The following MCM9 variants were observed in gnomAD, a reference collection of about 807,000 sequenced individuals.
The protein encoded by MCM9 is minichromosome maintenance 9 homologous recombination repair factor.
A neutral mutation model predicts 72.8 loss-of-function variants in MCM9; 55 were observed. The observed-to-expected ratio is 0.76, with a 90% CI of 0.61 to 0.95. The LOEUF is 0.95. Ranked by LOEUF, MCM9 falls within the 40% of genes least tolerant of loss-of-function variation. The pLI is 0.00. For synonymous variants in MCM9, 480 were observed against 503.4 expected, an observed-to-expected ratio of 0.95 and a Z score of 0.62; for missense variants, 1,279 against 1,377.0, an observed-to-expected ratio of 0.93 and a Z score of 1.13.
chr6:118,923,889 A>C lies in MCM9; in HGVS notation c.543T>G (p.Ser181=). 2 of 1,614,216 alleles carry C rather than the reference A, an allele frequency of 1.2e-6. No homozygotes were observed. Among genetic ancestry groups the C allele is most frequent in the Middle Eastern group, 1.6e-4 (1 of 6,062 alleles). The change falls in exon 4 of 14, where the codon TCT becomes TCG. Residue 181 remains serine (S), a synonymous_variant. Transcript: ENST00000619706. ...SCPSLESCDS[S]KFTCLSGLSS... Reference sequence around the variant, plus strand: ...ACAAGCCTGAGAGGCAAGTGAATTTAGAGGAATCACAGCTCTCCAAGCTGG... The same window carrying C: ...ACAAGCCTGAGAGGCAAGTGAATTTCGAGGAATCACAGCTCTCCAAGCTGG...
intron 8 of MCM9, among the ~76,000 whole-genome samples, chr6:118,874,499 T>C (rs1157149369): frequency 1.3e-5 from 2 of 152,152 alleles, no homozygotes; most frequent in Middle Eastern, 3.2e-3. Flanking sequence ...GGTAAGAAAC[T>C]TGAAGCTTTC....
chr6:118,826,906 G>T, intron 11 of MCM9, 42 bp from the exon 12 acceptor site: 1 of 1,470,782 alleles, frequency 6.8e-7, no homozygotes, highest in African/African-American at 1.4e-5. Flanking sequence ...AATATTTGAG[G>T]TGAGAAATGT....
intron 9 of MCM9, among the ~76,000 whole-genome samples, chr6:118,840,502 C>T (rs1260302745): frequency 6.6e-6 from 1 of 152,122 alleles, no homozygotes; most frequent in Non-Finnish European, 1.5e-5. Flanking sequence ...TTTGAGTGGT[C>T]TTCTCATCAA....
chr6:118,836,089 G>A (rs1774937379), intron 9 of MCM9, among the ~76,000 whole-genome samples: 1 of 152,150 alleles, frequency 6.6e-6, no homozygotes, highest in African/African-American at 2.4e-5. Flanking sequence ...GGCCTTTTCT[G>A]CATCTATTGG....
In MCM9 at chr6:118,814,668, T is replaced by A. The variant is rs1025949187; in HGVS notation, c.*156A>T. The A allele has an allele frequency of 3.1e-6, 2 of 654,520 alleles. No individual in the cohort carries two copies. Among genetic ancestry groups the A allele is most frequent in the African/African-American group, 3.7e-5 (2 of 54,710 alleles). The allele number at this position is 654,520 out of a possible 1,614,324, so 40.5% of individuals were successfully genotyped here. The stretch of plus-strand genomic sequence containing the variant: ...TATACAACTTTTTAAGTCATGAAGA[T>A]TAACCTGAAATTAGAAAGCCTTAAG... On this transcript the variant is annotated 3_prime_UTR_variant, in exon 14 of 14. Transcript: ENST00000619706.
chr6:118,926,681 T>C (rs918274565), intron 3 of MCM9, among the ~76,000 whole-genome samples: 1 of 152,268 alleles, frequency 6.6e-6, no homozygotes, highest in Non-Finnish European at 1.5e-5. Context: ...CATTTATTAG[T>C]TGATGGACAT....
chr6:118,894,476 G>C, intron 8 of MCM9: 1 of 1,537,162 alleles, frequency 6.5e-7, no homozygotes, highest in Non-Finnish European at 8.7e-7. Flanking sequence ...TCTACAACCC[G>C]TTCCAGTTCG....
chr6:118,843,658 G>GTATATATATATACGTGTA (rs74206505), intron 9 of MCM9, among the ~76,000 whole-genome samples: 2 of 21,590 alleles, frequency 9.3e-5, no homozygotes, highest in Non-Finnish European at 1.7e-4. Flanking sequence ...ATATATATGT[G>GTATATATATATACGTGTA]TATATATATA....
chr6:118,899,189 T>C (rs1454181033), intron 8 of MCM9, among the ~76,000 whole-genome samples: 3 of 152,232 alleles, frequency 2.0e-5, no homozygotes, highest in Non-Finnish European at 4.4e-5. Context: ...TTACACTCTA[T>C]ATTGAACACA....
At chr6:118,894,120 G>A in intron 8 of MCM9, 10 of 1,177,448 alleles carry the variant, frequency 8.5e-6, no homozygotes, top group Non-Finnish European at 1.1e-5. Context: ...CATCTTGCTG[G>A]CTGCCGAGGC....
At chr6:118,922,616 G>A (rs1781522625) in intron 4 of MCM9, among the ~76,000 whole-genome samples, 1 of 152,230 alleles carries the variant, frequency 6.6e-6, no homozygotes, top group African/African-American at 2.4e-5. Flanking sequence ...GACTTCTTAA[G>A]TGGAGAATTG....
At position 118,917,745 on chromosome 6, in the gene MCM9, A is replaced by C; in HGVS notation, c.720T>G (p.Ile240Met). Residue 240 changes from isoleucine (I) to methionine (M), a missense_variant, in exon 6 of 14, where the codon ATT becomes ATG. Transcript: ENST00000619706. ...TCCACCGTTGCATTACAATCCCGTA[A>C]ATAGTGAGGTCATCACCTAGGAAAA... ...DSCKSGDDLT[I>M]YGIVMQRWKP... The C allele has an allele frequency of 6.2e-7, 1 of 1,614,144 alleles. No individual in the cohort carries two copies. Among genetic ancestry groups the C allele is most frequent in the South Asian group, 1.1e-5 (1 of 91,086 alleles).
At chr6:118,925,769 T>C (rs1311078057) in intron 3 of MCM9, among the ~76,000 whole-genome samples, 1 of 152,200 alleles carries the variant, frequency 6.6e-6, no homozygotes, top group Admixed American at 6.5e-5. Flanking sequence ...TATCCTAGAA[T>C]GTTAAAAAAC....
chr6:118,876,773 A>C (rs1480070947), intron 8 of MCM9, among the ~76,000 whole-genome samples: 1 of 152,214 alleles, frequency 6.6e-6, no homozygotes, highest in African/African-American at 2.4e-5. Flanking sequence ...TGTACACAGA[A>C]TATATAAAGA....
chr6:118,830,633 A>C (rs1305276496), intron 9 of MCM9, among the ~76,000 whole-genome samples: 4 of 152,228 alleles, frequency 2.6e-5, no homozygotes, highest in Admixed American at 1.3e-4. Flanking sequence ...CTGAAGACGG[A>C]CTATTTGTAT....
intron 8 of MCM9, chr6:118,894,073 A>C: frequency 9.2e-7 from 1 of 1,091,676 alleles, no homozygotes; most frequent in South Asian, 2.7e-5. Context: ...GTGGAGCCGC[A>C]GTTAAAGTTT....
chr6:118,840,351 A>G (rs1037955812), intron 9 of MCM9, among the ~76,000 whole-genome samples: 1 of 152,078 alleles, frequency 6.6e-6, no homozygotes, highest in Non-Finnish European at 1.5e-5. Flanking sequence ...AGTGTCCCTC[A>G]CATACATGAG....
chr6:118,911,907 C>T (rs12212179), intron 7 of MCM9, 138 bp from the exon 8 acceptor site: 38,041 of 607,842 alleles, frequency 0.063, 1,981 homozygotes, highest in East Asian at 0.19. Flanking sequence ...AGAAAATCTT[C>T]AGAAAGTTAA....
At chr6:118,894,547 G>T (rs1197463822) in intron 8 of MCM9, 1 of 1,518,428 alleles carries the variant, frequency 6.6e-7, no homozygotes, top group African/African-American at 1.4e-5. Context: ...CGTGCGCCCG[G>T]GCTGTCAGTT....
Sources: allele counts gnomAD v4.1 joint callset (sites outside exome capture counted in the v4.1 genomes callset), GRCh38; gene constraint gnomAD v4.1.1; transcripts MANE v1.5; gene names NCBI Gene and HGNC (gene_info 2026-07-23, HGNC 2026-07-21).